The following SPAST variants were observed in gnomAD, a reference collection of about 807,000 sequenced individuals.
SPAST encodes the protein spastin, also known as spastic paraplegia 4 (autosomal dominant; spastin).
In SPAST, 30 loss-of-function variants were observed where a neutral mutation model predicts 76.6. The ratio of observed to expected loss-of-function variants is 0.39; its 90% CI spans 0.29 to 0.53. The LOEUF (loss-of-function observed/expected upper bound fraction) is 0.53, where lower values mean the gene tolerates loss of function less well. Ranked by LOEUF, SPAST falls within the 20% of genes least tolerant of loss-of-function variation. The probability of loss-of-function intolerance (pLI) is 0.68; values close to 1 mark genes in which losing one functional copy is unlikely to be tolerated. For missense variants in SPAST, 717 were observed against 770.5 expected, an observed-to-expected ratio of 0.93 and a Z score of 0.82; for synonymous variants, 305 against 281.0, an observed-to-expected ratio of 1.09 and a Z score of -0.86.
chr2:32,067,771 T>G (rs900542183), intron 1 of SPAST, among the ~76,000 whole-genome samples: 2 of 150,980 alleles, frequency 1.3e-5, no homozygotes, highest in African/African-American at 4.9e-5. Context: ...TTTTTTTTTT[T>G]TGCTAGAGAT....
intron 1 of SPAST, among the ~76,000 whole-genome samples, chr2:32,086,462 TAAAAA>T (rs11350854): frequency 2.1e-5 from 3 of 144,402 alleles, no homozygotes; most frequent in Non-Finnish European, 4.6e-5. Context: ...AGACTCTGTT[TAAAAA>T]AAAAAAAAAA....
intron 16 of SPAST, among the ~76,000 whole-genome samples, chr2:32,150,918 T>C (rs1573181041): frequency 1.3e-5 from 2 of 152,052 alleles, no homozygotes; most frequent in South Asian, 4.2e-4. Context: ...TATATTCAGG[T>C]TATATTGTTA....
chr2:32,126,469 C>CTTTTTTTTTTTTTTTTTT (rs70938323), intron 7 of SPAST: 1 of 38,692 alleles, frequency 2.6e-5, no homozygotes, highest in Non-Finnish European at 4.8e-5. Flanking sequence ...GGTTTTATTT[C>CTTTTTTTTTTTTTTTTTT]TTTTTTTTTT....
At chr2:32,103,659 A>G (rs1270787381) in intron 4 of SPAST, among the ~76,000 whole-genome samples, 2 of 152,066 alleles carry the variant, frequency 1.3e-5, no homozygotes, top group South Asian at 2.1e-4. Context: ...AGATTCTGAT[A>G]TGTTGTGTCT....
chr2:32,107,203 A>G (rs1678356926), intron 4 of SPAST, among the ~76,000 whole-genome samples: 1 of 151,990 alleles, frequency 6.6e-6, no homozygotes, highest in Non-Finnish European at 1.5e-5. Flanking sequence ...TATCCCTAAT[A>G]TGAAATCTGA....
chr2:32,081,317 A>C (rs1677213367), intron 1 of SPAST, among the ~76,000 whole-genome samples: 1 of 147,830 alleles, frequency 6.8e-6, no homozygotes, highest in African/African-American at 2.5e-5. Flanking sequence ...AATGGTCTTG[A>C]TCTCCTGACC....
chr2:32,081,339 C>A (rs745926930), intron 1 of SPAST, among the ~76,000 whole-genome samples: 2 of 152,110 alleles, frequency 1.3e-5, no homozygotes, highest in Non-Finnish European at 2.9e-5. Flanking sequence ...CGTGATTCAC[C>A]TGCCTCAGCC....
intron 1 of SPAST, among the ~76,000 whole-genome samples, chr2:32,068,851 A>C (rs1234079166): frequency 6.7e-5 from 10 of 148,796 alleles, no homozygotes; most frequent in African/African-American, 2.0e-4. Flanking sequence ...CTGAGATCTC[A>C]CCCATTGCAC....
At chr2:32,066,335 C>T (rs895486884) in intron 1 of SPAST, among the ~76,000 whole-genome samples, 1 of 152,098 alleles carries the variant, frequency 6.6e-6, no homozygotes, top group African/African-American at 2.4e-5. Context: ...AGAATTAAAA[C>T]GGTTGCAAAG....
intron 3 of SPAST, among the ~76,000 whole-genome samples, chr2:32,095,128 G>C (rs1677869656): frequency 6.6e-6 from 1 of 152,202 alleles, no homozygotes; most frequent in Non-Finnish European, 1.5e-5. Flanking sequence ...AGTGATAGAG[G>C]CTTGCACCAG....
chr2:32,099,636 C>T (rs1389486508), intron 4 of SPAST, among the ~76,000 whole-genome samples: 1 of 152,074 alleles, frequency 6.6e-6, no homozygotes, highest in East Asian at 1.9e-4. Context: ...TCATTTCCAT[C>T]ATCCCAAACA....
intron 1 of SPAST, among the ~76,000 whole-genome samples, chr2:32,080,037 G>T (rs1489548752): frequency 6.6e-6 from 1 of 152,110 alleles, no homozygotes; most frequent in Non-Finnish European, 1.5e-5. Flanking sequence ...GCACCATTTT[G>T]CATTCCCACC....
intron 3 of SPAST, among the ~76,000 whole-genome samples, chr2:32,093,110 G>T (rs1677785842): frequency 6.6e-6 from 1 of 151,462 alleles, no homozygotes. Context: ...GAGACCAGCT[G>T]GGTGCCTGGG....
rs142016747 is a variant in SPAST, at chr2:32,131,379, G to C, written c.1245+2900G>C. ...ATTCATTGATAGGATTATTTTAATTGTATCTGATATCACTGTCACCTCCAC... is the reference window on the plus strand; with the variant it reads ...ATTCATTGATAGGATTATTTTAATTCTATCTGATATCACTGTCACCTCCAC... On this transcript the variant is annotated intron_variant, in intron 9 of 16. Coordinates refer to ENST00000315285, the MANE Select transcript of SPAST (RefSeq NM_014946.4). Among the ~76,000 whole-genome samples the C allele has an allele frequency of 6.9e-3, 1,048 of 152,184 alleles. 15 individuals carry two copies. The highest frequency in any genetic ancestry group is 0.024 in the African/African-American group (1,012 of 41,516).
intron 1 of SPAST, among the ~76,000 whole-genome samples, chr2:32,086,264 C>G (rs1286410220): frequency 6.6e-6 from 1 of 151,738 alleles, no homozygotes; most frequent in African/African-American, 2.4e-5. Flanking sequence ...TCAAGACCAG[C>G]CTGGGCAACA....
At chr2:32,084,321 T>A (rs970916203) in intron 1 of SPAST, among the ~76,000 whole-genome samples, 5 of 151,548 alleles carry the variant, frequency 3.3e-5, no homozygotes, top group Admixed American at 6.6e-5. Context: ...CCACCATGCC[T>A]GGCTAATTTG....
intron 4 of SPAST, among the ~76,000 whole-genome samples, chr2:32,100,672 C>T (rs1378234614): frequency 6.6e-6 from 1 of 152,050 alleles, no homozygotes; most frequent in Non-Finnish European, 1.5e-5. Context: ...CAAGTGTTCT[C>T]ATTGTTCAGT....
At chr2:32,119,680 A>G (rs1678951864) in intron 7 of SPAST, among the ~76,000 whole-genome samples, 1 of 152,202 alleles carries the variant, frequency 6.6e-6, no homozygotes, top group South Asian at 2.1e-4. Flanking sequence ...TTTTGAAAGT[A>G]GCCAATATTA....
At position 32,141,438 on chromosome 2, in the gene SPAST, G is replaced by T. The variant is rs187420436; in HGVS notation, c.1494-466G>T. ...CTTTTTGGGAGGAAAACTGTACTCT[G>T]ACAGTCATGTCCATGATCTTTAGCG... On this transcript the variant is annotated intron_variant, in intron 12 of 16. Transcript: ENST00000315285. 1.2e-4 allele frequency among the ~76,000 whole-genome samples: 19 copies of T among 152,316 alleles called. No individual in the cohort carries two copies. The East Asian group carries it at 3.5e-3, about 28-fold the overall frequency.
Sources: allele counts gnomAD v4.1 joint callset (sites outside exome capture counted in the v4.1 genomes callset), GRCh38; gene constraint gnomAD v4.1.1; transcripts MANE v1.5; gene names NCBI Gene and HGNC (gene_info 2026-07-23, HGNC 2026-07-21).